Variants in MYRIP observed in about 807,000 individuals in gnomAD.
MYRIP encodes the protein rab effector MyRIP.
MYRIP carries 49 observed loss-of-function variants against 98.0 expected under a neutral mutation model. The observed-to-expected ratio is 0.50, with a 90% CI of 0.40 to 0.63. The LOEUF (loss-of-function observed/expected upper bound fraction) is 0.63. Among genes scored for constraint, MYRIP ranks in the 30% least tolerant of loss-of-function variants. MYRIP has a pLI of 0.00. For missense variants in MYRIP, 1,004 were observed against 1,058.2 expected (o/e 0.95, Z 0.71); for synonymous variants, 404 against 409.5 (o/e 0.99, Z 0.16).
intron 3 of MYRIP, among the ~76,000 whole-genome samples, chr3:40,070,907 C>T (rs1948211309): frequency 6.6e-6 from 1 of 152,170 alleles, no homozygotes; most frequent in East Asian, 1.9e-4. Flanking sequence ...AAAGTGTCTT[C>T]CCCCAGCAAG....
intron 3 of MYRIP, among the ~76,000 whole-genome samples, chr3:40,144,299 G>A (rs1949969175): frequency 6.6e-6 from 1 of 152,178 alleles, no homozygotes; most frequent in African/African-American, 2.4e-5. Context: ...CAGAAAGGGG[G>A]CATCTATTAC....
intron 2 of MYRIP, among the ~76,000 whole-genome samples, chr3:39,916,902 C>CT (rs998060888): frequency 3.3e-5 from 5 of 152,086 alleles, no homozygotes; most frequent in African/African-American, 9.7e-5. Context: ...TGACTTTAGA[C>CT]ATACAACAGC....
intron 2 of MYRIP, among the ~76,000 whole-genome samples, chr3:40,042,753 C>T (rs989326074): frequency 2.6e-4 from 39 of 152,176 alleles, no homozygotes; most frequent in Admixed American, 2.0e-3. Flanking sequence ...TTAGTATAGA[C>T]GCTCCTTGAT....
intron 1 of MYRIP, among the ~76,000 whole-genome samples, chr3:39,845,495 A>T (rs1293690175): frequency 6.6e-6 from 1 of 152,154 alleles, no homozygotes; most frequent in Admixed American, 6.5e-5. Flanking sequence ...TTAGGTATAG[A>T]ATGTATCCCT....
intron 3 of MYRIP, among the ~76,000 whole-genome samples, chr3:40,096,322 C>G (rs1948835486): frequency 6.6e-6 from 1 of 152,136 alleles, no homozygotes; most frequent in Admixed American, 6.5e-5. Context: ...ACCCGGCTCT[C>G]TGGACCTGTA....
intron 9 of MYRIP, among the ~76,000 whole-genome samples, chr3:40,185,734 A>G (rs1289094105): frequency 6.6e-6 from 1 of 152,146 alleles, no homozygotes; most frequent in Non-Finnish European, 1.5e-5. Flanking sequence ...CCACCTCACC[A>G]TGTAGGGGAC....
At chr3:40,063,714 T>C (rs1948069314) in intron 3 of MYRIP, among the ~76,000 whole-genome samples, 1 of 152,226 alleles carries the variant, frequency 6.6e-6, no homozygotes, top group African/African-American at 2.4e-5. Flanking sequence ...CCTTGAAATT[T>C]CTTTTATAAG....
In MYRIP at chr3:40,218,610, T is replaced by TATATATATA. The variant is rs59924117; in HGVS notation, c.1905+8517_1905+8518insATATATATA. On this transcript the variant is annotated intron_variant, in intron 11 of 16. Transcript: ENST00000302541. The stretch of plus-strand genomic sequence containing the variant: ...ACACACACACACACATATATATATA[T>TATATATATA]TTTATATATATATATATATATATAT... Among the ~76,000 whole-genome samples the TATATATATA allele has an allele frequency of 3.0e-3, 18 of 5,972 alleles. No homozygotes were observed. In the East Asian group the frequency reaches 0.088, roughly 29 times the overall value. 3.9% of individuals were successfully genotyped at this position (5,972 alleles called of 152,430 possible).
intron 2 of MYRIP, among the ~76,000 whole-genome samples, chr3:40,033,546 A>G (rs1448399174): frequency 1.3e-5 from 2 of 152,210 alleles, no homozygotes; most frequent in African/African-American, 4.8e-5. Context: ...GAGAACTACA[A>G]ACCACTGCTC....
In MYRIP at chr3:40,233,874, T is replaced by C. The variant is rs1952738594; in HGVS notation, c.1921T>C (p.Ser641Pro). 1.2e-6 allele frequency: 2 copies of C among 1,612,862 alleles called. No homozygotes were observed. Among genetic ancestry groups the C allele is most frequent in the Non-Finnish European group, 1.7e-6 (2 of 1,179,700 alleles). ...GACCAAACAGAAGTTTTCTGCTGTT[T>C]CTCTCTGCAACATCTCCACAGAAGT... is the stretch of plus-strand genomic sequence containing the variant. ...EELKKKFSAV[S>P]LCNISTEVLK... The change falls in exon 12 of 17, where the codon TCT (serine) becomes CCT (proline). Residue 641 changes from serine (S) to proline (P), a missense_variant. This residue lies in a region of MYRIP where 880 missense variants were observed against 907.7 expected (regional missense o/e 0.97). Transcript: ENST00000302541.
At chr3:39,922,821 C>A (rs1220883984) in intron 2 of MYRIP, among the ~76,000 whole-genome samples, 1 of 152,096 alleles carries the variant, frequency 6.6e-6, no homozygotes. Context: ...TACCAAGAAC[C>A]TGGAACATCT....
Position 40,182,266 on chromosome 3 carries a change from C to A in MYRIP, c.920C>A (p.Thr307Asn). 6.2e-7 allele frequency: 1 copy of A among 1,613,906 alleles called. No homozygotes were observed. The highest frequency in any genetic ancestry group is 8.5e-7 in the Non-Finnish European group (1 of 1,179,926). Residue 307 changes from threonine to asparagine, a missense_variant, in exon 9 of 17, where the codon ACC becomes AAC. Physicochemically the swap from Thr to Asn is moderately conservative, Grantham distance 65. Around this residue, in one of 3 missense-constraint regions of MYRIP, gnomAD observed 880 missense variants for 907.7 expected, o/e 0.97. Transcript: ENST00000302541. ...ATCACTGGAGAAGAAGCCCTGAAGA[C>A]CCCTCCAGTGGAGGCTCCATCGAGG... is the stretch of plus-strand genomic sequence containing the variant. Reference protein sequence around the residue: ...FSITGEEALKTPPVEAPSRQP... With the variant: ...FSITGEEALKNPPVEAPSRQP...
intron 3 of MYRIP, among the ~76,000 whole-genome samples, chr3:40,108,174 T>TGA (rs72224557): frequency 0.068 from 9,438 of 138,000 alleles, 444 homozygotes; most frequent in African/African-American, 0.14. Context: ...GCAGTGTTTG[T>TGA]GAGAGAGAGA....
chr3:39,923,567 T>G (rs1051789768), intron 2 of MYRIP, among the ~76,000 whole-genome samples: 1 of 152,086 alleles, frequency 6.6e-6, no homozygotes, highest in African/African-American at 2.4e-5. Context: ...TTTGTGAAAA[T>G]ATTCTTTAGG....
chr3:40,037,804 C>A (rs1947417279), intron 2 of MYRIP, among the ~76,000 whole-genome samples: 3 of 151,996 alleles, frequency 2.0e-5, no homozygotes, highest in Non-Finnish European at 4.4e-5. Context: ...TCATTGCCTA[C>A]CCCCCTTCCT....
At chr3:40,049,591 A>C (rs1197591835) in intron 3 of MYRIP, among the ~76,000 whole-genome samples, 1 of 152,026 alleles carries the variant, frequency 6.6e-6, no homozygotes, top group Admixed American at 6.6e-5. Flanking sequence ...AACAATATTA[A>C]ATTCAGTCAA....
chr3:39,836,608 C>A (rs916885604), intron 1 of MYRIP, among the ~76,000 whole-genome samples: 1 of 152,122 alleles, frequency 6.6e-6, no homozygotes, highest in African/African-American at 2.4e-5. Context: ...CCTGACCCGG[C>A]GACAGATGAT....
intron 2 of MYRIP, among the ~76,000 whole-genome samples, chr3:39,932,675 A>C (rs578001736): frequency 3.3e-5 from 5 of 152,076 alleles, no homozygotes; most frequent in African/African-American, 1.2e-4. Context: ...TCTCCCTTTC[A>C]ATGTTCATTG....
chr3:39,976,399 G>A (rs551553782), intron 2 of MYRIP, among the ~76,000 whole-genome samples: 2 of 152,286 alleles, frequency 1.3e-5, no homozygotes, highest in African/African-American at 2.4e-5. Flanking sequence ...GAAACAACAG[G>A]TGCTGGAGAG....
Sources: allele counts gnomAD v4.1 joint callset (sites outside exome capture counted in the v4.1 genomes callset), GRCh38; gene constraint gnomAD v4.1.1; regional missense constraint gnomAD v4.1.1; transcripts MANE v1.5; gene names NCBI Gene and HGNC (gene_info 2026-07-23, HGNC 2026-07-21).